The following SAMD12 variants were observed in gnomAD, a reference collection of about 807,000 sequenced individuals.
SAMD12 encodes sterile alpha motif domain-containing protein 12.
SAMD12 carries 9 observed loss-of-function variants against 15.0 expected under a neutral mutation model. That is an observed-to-expected ratio of 0.60 (90% CI 0.36 to 1.05). The LOEUF (loss-of-function observed/expected upper bound fraction) is 1.05, where lower values mean the gene tolerates loss of function less well. Among genes scored for constraint, SAMD12 ranks in the 50% least tolerant of loss-of-function variants. The probability of loss-of-function intolerance (pLI) is 0.01; values close to 1 mark genes in which losing one functional copy is unlikely to be tolerated. For missense variants in SAMD12, 230 were observed against 234.2 expected, an observed-to-expected ratio of 0.98 and a Z score of 0.12; for synonymous variants, 86 against 90.1, an observed-to-expected ratio of 0.96 and a Z score of 0.25.
At chr8:118,499,931 C>A (rs904576058) in intron 2 of SAMD12, among the ~76,000 whole-genome samples, 6 of 152,174 alleles carry the variant, frequency 3.9e-5, no homozygotes, top group Non-Finnish European at 7.3e-5. Context: ...GCCGGCACAA[C>A]AAAGTGCCCT....
intron 4 of SAMD12, among the ~76,000 whole-genome samples, chr8:118,364,542 G>A (rs183729082): frequency 3.3e-5 from 5 of 152,262 alleles, no homozygotes; most frequent in Non-Finnish European, 7.4e-5. Flanking sequence ...AGTGCTGCGT[G>A]GAGTGCTGTG....
At position 118,409,059 on chromosome 8, in the gene SAMD12, C is replaced by T. The variant is rs1486931000; in HGVS notation, c.323-29359G>A. ...GACTACAGGTGCATGCCACCATGCCCGGCTAAGAAAAAATTCAATTATTTA... is the reference window on the plus strand; with the variant it reads ...GACTACAGGTGCATGCCACCATGCCTGGCTAAGAAAAAATTCAATTATTTA... On this transcript the variant is annotated intron_variant, in intron 3 of 3. Transcript: ENST00000314727. Among the ~76,000 whole-genome samples, 29 of 151,898 alleles carry T rather than the reference C, an allele frequency of 1.9e-4. 2 individuals carry two copies. In the South Asian group the frequency reaches 3.1e-3, roughly 16 times the overall value.
chr8:118,221,924 C>T (rs781078253), intron 4 of SAMD12, among the ~76,000 whole-genome samples: 1 of 152,276 alleles, frequency 6.6e-6, no homozygotes, highest in African/African-American at 2.4e-5. Flanking sequence ...GTCTCCCTCG[C>T]ACCAAGCACA....
intron 2 of SAMD12, among the ~76,000 whole-genome samples, chr8:118,556,766 C>G (rs1420384812): frequency 6.6e-6 from 1 of 151,908 alleles, no homozygotes; most frequent in Non-Finnish European, 1.5e-5. Context: ...AGTTTGAGAC[C>G]AGCCTGGCCA....
chr8:118,569,005 T>A (rs1454104303), intron 2 of SAMD12, among the ~76,000 whole-genome samples: 1 of 152,218 alleles, frequency 6.6e-6, no homozygotes, highest in Non-Finnish European at 1.5e-5. Context: ...ATAGTTCAGA[T>A]TTATTCTTGT....
At chr8:118,557,873 AG>A (rs1188344263) in intron 2 of SAMD12, among the ~76,000 whole-genome samples, 1 of 152,158 alleles carries the variant, frequency 6.6e-6, no homozygotes, top group Non-Finnish European at 1.5e-5. Context: ...TTTTAAGCTT[AG>A]CATAAATATA....
intron 4 of SAMD12, among the ~76,000 whole-genome samples, chr8:118,282,515 C>T (rs1813698919): frequency 6.6e-6 from 1 of 152,160 alleles, no homozygotes; most frequent in South Asian, 2.1e-4. Flanking sequence ...TTGCTTTAAG[C>T]TTCAAGAAAT....
chr8:118,464,784 G>A (rs1823540051), intron 2 of SAMD12, among the ~76,000 whole-genome samples: 1 of 151,724 alleles, frequency 6.6e-6, no homozygotes, highest in Admixed American at 6.6e-5. Context: ...CTAAAATTGG[G>A]GCTAATAATC....
chr8:118,463,032 C>T (rs1405678968), intron 2 of SAMD12, among the ~76,000 whole-genome samples: 1 of 132,456 alleles, frequency 7.5e-6, no homozygotes, highest in Non-Finnish European at 1.5e-5. Context: ...ACCCGGGAGG[C>T]GGAGCTTGCA....
chr8:118,254,762 ATC>A (rs920120067), intron 4 of SAMD12, among the ~76,000 whole-genome samples: 1 of 151,518 alleles, frequency 6.6e-6, no homozygotes, highest in Non-Finnish European at 1.5e-5. Flanking sequence ...TCCCTCCTTG[ATC>A]TCCTTGGCCT....
Position 118,580,847 on chromosome 8 carries a change from A to G in SAMD12, c.60T>C (p.His20=), listed in dbSNP as rs374065909. ...CAATTTGCAGTTTAATACCTTCAGC[A>G]TGGGCAGGGTGATCAATACCCCGTG... ...LNPRGIDHPA[H]AEGIKLQIEG... The change falls in exon 2 of 4, where the codon CAT becomes CAC. Residue 20 remains histidine, a synonymous_variant. Transcript: ENST00000314727. 3.1e-6 allele frequency: 5 copies of G among 1,613,160 alleles called. No individual in the cohort carries two copies. Among genetic ancestry groups the G allele is most frequent in the Admixed American group, 1.7e-5 (1 of 59,920 alleles).
intron 4 of SAMD12, among the ~76,000 whole-genome samples, chr8:118,309,237 A>C (rs971818527): frequency 8.5e-5 from 13 of 152,198 alleles, no homozygotes; most frequent in Non-Finnish European, 1.9e-4. Flanking sequence ...GTGAGAACAT[A>C]CAATGTTTGG....
chr8:118,522,039 T>C (rs559164286), intron 2 of SAMD12, among the ~76,000 whole-genome samples: 1 of 152,140 alleles, frequency 6.6e-6, no homozygotes, highest in African/African-American at 2.4e-5. Flanking sequence ...ATAACACAAT[T>C]TGTCCACCAT....
intron 4 of SAMD12, among the ~76,000 whole-genome samples, chr8:118,292,020 G>A (rs184877168): frequency 2.6e-5 from 4 of 151,348 alleles, no homozygotes; most frequent in Admixed American, 2.6e-4. Context: ...GCTACAAGGC[G>A]ATGCTTTAGA....
intron 4 of SAMD12, among the ~76,000 whole-genome samples, chr8:118,341,632 T>C (rs1393023573): frequency 6.6e-6 from 1 of 152,170 alleles, no homozygotes; most frequent in Non-Finnish European, 1.5e-5. Context: ...TCTCCTTGTG[T>C]CTTTGCGTAG....
chr8:118,187,691 T>C (rs1233938778), downstream of SAMD12, among the ~76,000 whole-genome samples: 1 of 152,178 alleles, frequency 6.6e-6, no homozygotes, highest in Non-Finnish European at 1.5e-5. Flanking sequence ...TTCTTTGTAT[T>C]GGCAAAGTGA....
At chr8:118,319,567 G>T (rs1816120598) in intron 4 of SAMD12, among the ~76,000 whole-genome samples, 1 of 152,162 alleles carries the variant, frequency 6.6e-6, no homozygotes, top group Non-Finnish European at 1.5e-5. Flanking sequence ...AATTCAAGGG[G>T]TTATAAATTG....
chr8:118,134,125 A>G, the SAMD12 span, among the ~76,000 whole-genome samples: 826 of 152,370 alleles, frequency 5.4e-3, 5 homozygotes, highest in Middle Eastern at 0.014. Context: ...GGTGGAGGGA[A>G]AGATGGGAAA....
At chr8:118,389,110 C>A (rs1341380441) in intron 3 of SAMD12, among the ~76,000 whole-genome samples, 1 of 152,162 alleles carries the variant, frequency 6.6e-6, no homozygotes, top group Non-Finnish European at 1.5e-5. Flanking sequence ...GTACTGCCAT[C>A]CCTCTCCAGC....
Sources: gnomAD v4.1 joint callset for allele counts (sites outside exome capture counted in the v4.1 genomes callset) on GRCh38, gnomAD v4.1.1 for gene constraint, MANE v1.5 for transcripts, NCBI Gene and HGNC (gene_info 2026-07-23, HGNC 2026-07-21) for gene names.